DMD: variants seen among roughly 807,000 people sequenced by gnomAD.
DMD encodes the protein mutant dystrophin.
DMD carries 63 observed loss-of-function variants against 330.1 expected under a neutral mutation model. That is an observed-to-expected ratio of 0.19 (90% CI 0.16 to 0.24). The LOEUF (loss-of-function observed/expected upper bound fraction) is 0.24, where lower values mean the gene tolerates loss of function less well. Ranked by LOEUF, DMD falls within the 10% of genes least tolerant of loss-of-function variation. The pLI, the probability that DMD is intolerant of heterozygous loss-of-function variation, is 1.00. For synonymous variants in DMD, 1,223 were observed against 959.8 expected (o/e 1.27, Z -5.07); for missense variants, 3,344 against 2,684.1 (o/e 1.25, Z -5.43).
intron 66 of DMD, among the ~76,000 whole-genome samples, chrX:31,205,761 A>G: frequency 8.9e-6 from 1 of 112,869 alleles, no homozygotes; most frequent in East Asian, 2.8e-4. Flanking sequence ...GATCAGTAGG[A>G]GACAGAGTGG....
intron 19 of DMD, among the ~76,000 whole-genome samples, chrX:32,497,565 T>G (rs917194279): frequency 9.8e-5 from 11 of 112,208 alleles, no homozygotes; most frequent in Non-Finnish European, 1.9e-5. Context: ...CGCCTACATA[T>G]GTTTTCAAAT....
chrX:31,737,194 C>A (rs1482252966), intron 51 of DMD, among the ~76,000 whole-genome samples: 1 of 111,399 alleles, frequency 9.0e-6, no homozygotes, highest in Non-Finnish European at 1.9e-5. Context: ...GGCCCCAAAG[C>A]CCACACACTT....
intron 7 of DMD, among the ~76,000 whole-genome samples, chrX:32,777,804 G>C (rs2074327565): frequency 8.9e-6 from 1 of 112,516 alleles, no homozygotes; most frequent in Non-Finnish European, 1.9e-5. Flanking sequence ...GATGGCAACA[G>C]TTACTGTGTA....
At chrX:32,650,198 TATATCACTGATAAAA>T (rs910912838) in intron 9 of DMD, among the ~76,000 whole-genome samples, 8 of 112,151 alleles carry the variant, frequency 7.1e-5, no homozygotes, top group African/African-American at 2.6e-4. Context: ...TGAGCAGTTT[TATATCACTGATAAAA>T]TGGATTTTGG....
chrX:31,487,385 C>A (rs915221349), intron 57 of DMD, among the ~76,000 whole-genome samples: 1 of 110,323 alleles, frequency 9.1e-6, no homozygotes, highest in Non-Finnish European at 1.9e-5. Flanking sequence ...CTCAGCCTCC[C>A]GAGTAGCTGG....
rs1226143064 is a variant in DMD at position 32,581,604 on chromosome X, A to G, written c.1603-7758T>C. Among the ~76,000 whole-genome samples, 7 of 112,284 alleles carry G rather than the reference A, an allele frequency of 6.2e-5. No individual in the cohort carries two copies. In the East Asian group the frequency reaches 8.3e-4, roughly 13 times the overall value. ...ACTCCAAAACGGAAAATCTGGAAAA[A>G]TGTAATGTTGAAATTCCAATTAAAA... On this transcript the variant is annotated intron_variant, in intron 13 of 78. Transcript: ENST00000357033.
At chrX:32,381,197 G>C (rs2097923346) in intron 33 of DMD, among the ~76,000 whole-genome samples, 1 of 111,582 alleles carries the variant, frequency 9.0e-6, no homozygotes, top group Admixed American at 9.6e-5. Flanking sequence ...CATCTTTAAA[G>C]TGTCTCACAT....
At chrX:32,412,840 TTTTA>T (rs755142629) in intron 29 of DMD, among the ~76,000 whole-genome samples, 3 of 111,502 alleles carry the variant, frequency 2.7e-5, no homozygotes, top group Non-Finnish European at 5.6e-5. Context: ...TGATCTTGGT[TTTTA>T]TATTATATAT....
chrX:32,497,942 G>A (rs1398536201), intron 19 of DMD, among the ~76,000 whole-genome samples: 1 of 110,961 alleles, frequency 9.0e-6, no homozygotes, highest in African/African-American at 3.3e-5. Flanking sequence ...TATATTTAAT[G>A]GCTAAATTTT....
At chrX:31,874,851 A>AATCCTGTGAG (rs1243185056) in intron 48 of DMD, among the ~76,000 whole-genome samples, 16 of 111,161 alleles carry the variant, frequency 1.4e-4, no homozygotes, top group African/African-American at 5.2e-4. Context: ...CTTCAGCAAG[A>AATCCTGTGAG]ATCCTGTGAG....
intron 74 of DMD, among the ~76,000 whole-genome samples, chrX:31,160,718 T>G (rs1240339015): frequency 9.0e-6 from 1 of 111,691 alleles, no homozygotes; most frequent in East Asian, 2.8e-4. Flanking sequence ...CTTGGAATCC[T>G]TTTTTTCTCA....
Position 32,852,017 on chromosome X carries a change from G to A in DMD, c.94-2197C>T, listed in dbSNP as rs1299450191. Reference sequence around the variant, plus strand: ...ATTCCTGGGCAAGTCTTGGTGTCGTGCTGGACTCGAAGTCAGGGGACTTGG... The same window carrying A: ...ATTCCTGGGCAAGTCTTGGTGTCGTACTGGACTCGAAGTCAGGGGACTTGG... On this transcript the variant is annotated intron_variant, in intron 2 of 78. Transcript: ENST00000357033. 1.8e-5 allele frequency among the ~76,000 whole-genome samples: 2 copies of A among 111,482 alleles called. 1 individual carries two copies. The highest frequency in any genetic ancestry group is 1.9e-4 in the Admixed American group (2 of 10,544).
At chrX:31,746,186 C>T (rs886893187) in intron 51 of DMD, among the ~76,000 whole-genome samples, 1 of 112,114 alleles carries the variant, frequency 8.9e-6, no homozygotes, top group African/African-American at 3.2e-5. Flanking sequence ...TTATTTCTAA[C>T]GGCAGCCATC....
At chrX:31,178,309 G>A in intron 70 of DMD, 1 of 985,586 alleles carries the variant, frequency 1.0e-6, no homozygotes, top group African/African-American at 1.9e-5. Context: ...GATACAAAAA[G>A]ACACACATTT....
intron 47 of DMD, among the ~76,000 whole-genome samples, chrX:31,918,926 C>T (rs1338557162): frequency 1.8e-5 from 2 of 111,963 alleles, no homozygotes; most frequent in African/African-American, 3.2e-5. Flanking sequence ...CGTGAGCCAC[C>T]GTGCCCAGCC....
At chrX:32,070,251 A>G (rs2096286811) in intron 44 of DMD, among the ~76,000 whole-genome samples, 1 of 111,378 alleles carries the variant, frequency 9.0e-6, no homozygotes, top group Admixed American at 9.6e-5. Context: ...AGAGGGCTAC[A>G]AAGAGGTATC....
intron 6 of DMD, among the ~76,000 whole-genome samples, chrX:32,812,157 C>A (rs1409550518): frequency 9.0e-6 from 1 of 110,752 alleles, no homozygotes; most frequent in East Asian, 2.8e-4. Flanking sequence ...TATGAAACTT[C>A]TACTCCTACA....
chrX:31,191,216 T>C (rs1233757285), intron 67 of DMD, among the ~76,000 whole-genome samples: 3 of 111,216 alleles, frequency 2.7e-5, no homozygotes, highest in Non-Finnish European at 5.7e-5. Context: ...TGTGTGTGTT[T>C]TGATTTTACT....
Position 32,813,238 on chromosome X carries a change from T to G in DMD, c.530+3230A>C, listed in dbSNP as rs781753061. On this transcript the variant is annotated intron_variant, in intron 6 of 78. Transcript: ENST00000357033. ...ATACTATTAAAATTAATTAACATTT[T>G]AAATATCTATGACTTTCAAATGCAT... Among the ~76,000 whole-genome samples, 6 of 112,246 alleles carry G rather than the reference T, an allele frequency of 5.3e-5. No homozygotes were observed. In the South Asian group the frequency reaches 2.2e-3, roughly 41 times the overall value.
Sources: allele counts gnomAD v4.1 joint callset (sites outside exome capture counted in the v4.1 genomes callset), GRCh38; gene constraint gnomAD v4.1.1; transcripts MANE v1.5; gene names NCBI Gene and HGNC (gene_info 2026-07-23, HGNC 2026-07-21).